The following GRK4 variants were observed in gnomAD, a reference collection of about 807,000 sequenced individuals.
The protein encoded by GRK4 is G protein-coupled receptor kinase 4.
Under a neutral mutation model 77.9 loss-of-function variants are expected in GRK4, and 73 were observed. The ratio of observed to expected loss-of-function variants is 0.94; its 90% CI spans 0.78 to 1.14. The LOEUF is 1.14. Ranked by LOEUF, GRK4 falls within the 50% of genes most tolerant of loss-of-function variation. GRK4 has a pLI of 0.00. For synonymous variants in GRK4, 257 were observed against 254.4 expected, an observed-to-expected ratio of 1.01 and a Z score of -0.10; for missense variants, 729 against 700.2, an observed-to-expected ratio of 1.04 and a Z score of -0.46.
chr4:3,002,551 G>A lies in GRK4; in HGVS notation c.340-1680G>A, dbSNP rs535433413. ...AAGGATCTCTTGAGGTCAGGAGTTC[G>A]AAATTAGCCAGGCGTGGTGGCGGGC... On this transcript the variant is annotated intron_variant, in intron 4 of 15. Coordinates refer to ENST00000398052, the MANE Select transcript of GRK4 (RefSeq NM_182982.3). Among the ~76,000 whole-genome samples, 3 of 152,190 alleles carry A rather than the reference G, an allele frequency of 2.0e-5. No individual in the cohort carries two copies. The South Asian group carries it at 6.2e-4, about 32-fold the overall frequency.
intron 4 of GRK4, among the ~76,000 whole-genome samples, chr4:2,999,565 A>C (rs1308855234): frequency 1.3e-5 from 2 of 152,214 alleles, no homozygotes; most frequent in Non-Finnish European, 2.9e-5. Flanking sequence ...GTACTGGAAC[A>C]ACTGGATAGC....
chr4:2,999,711 C>A (rs1028100951), intron 4 of GRK4, among the ~76,000 whole-genome samples: 3 of 152,072 alleles, frequency 2.0e-5, no homozygotes, highest in South Asian at 2.1e-4. Context: ...CTCTTCAATA[C>A]CTTGAAATTA....
In GRK4 at chr4:2,963,975, G is replaced by A. The variant is rs111635147; in HGVS notation, c.-96G>A. Reference sequence around the variant, plus strand: ...GGAGCTCGAGGAGAGGGTGGTGCCCGGCGAGCTATGCACGGGGGCGGCGGC... The same window carrying A: ...GGAGCTCGAGGAGAGGGTGGTGCCCAGCGAGCTATGCACGGGGGCGGCGGC... On this transcript the variant is annotated 5_prime_UTR_variant, in exon 1 of 16. Transcript: ENST00000398052. The A allele has an allele frequency of 3.5e-5, 39 of 1,124,656 alleles. No homozygotes were observed. Among genetic ancestry groups the A allele is most frequent in the Non-Finnish European group, 4.9e-5 (37 of 758,774 alleles). 69.7% of individuals were successfully genotyped at this position (1,124,656 alleles called of 1,614,324 possible). A position where few individuals can be genotyped will look rare whatever the true frequency, so the allele number is the denominator to read the frequency against.
chr4:2,969,380 T>TG (rs1443032284), intron 1 of GRK4: 1 of 57,612 alleles, frequency 1.7e-5, no homozygotes, highest in East Asian at 2.4e-4. Context: ...CTTTCTTTTC[T>TG]TTTTTTTTTT....
chr4:3,008,604 A>G (rs1578214663), intron 6 of GRK4, among the ~76,000 whole-genome samples: 1 of 152,100 alleles, frequency 6.6e-6, no homozygotes, highest in Non-Finnish European at 1.5e-5. Flanking sequence ...GCAGTTCAAG[A>G]CCAGCCTGGC....
intron 12 of GRK4, among the ~76,000 whole-genome samples, chr4:3,033,933 A>T (rs1739876000): frequency 1.3e-5 from 2 of 152,208 alleles, no homozygotes; most frequent in South Asian, 4.1e-4. Context: ...AAACGCATTG[A>T]GCAACTGTTA....
intron 3 of GRK4, among the ~76,000 whole-genome samples, chr4:2,989,337 G>A (rs1725434052): frequency 6.6e-6 from 1 of 152,232 alleles, no homozygotes; most frequent in Non-Finnish European, 1.5e-5. Flanking sequence ...AGAATCACAT[G>A]TAGTCATTGA....
Position 2,964,000 on chromosome 4 carries a change from C to CGCCAG in GRK4, c.-70_-69insCCAGG. The CGCCAG allele has an allele frequency of 7.3e-7, 1 of 1,376,282 alleles. No individual in the cohort carries two copies. Among genetic ancestry groups the CGCCAG allele is most frequent in the Non-Finnish European group, 1.0e-6 (1 of 979,544 alleles). The allele number at this position is 1,376,282 out of a possible 1,614,324, so 85.3% of individuals were successfully genotyped here. The stretch of plus-strand genomic sequence containing the variant: ...GGCGAGCTATGCACGGGGGCGGCGG[C>CGCCAG]GTCTCCTCCTGTTCCGCCTCCTCAG... On this transcript the variant is annotated 5_prime_UTR_variant, in exon 1 of 16. Coordinates refer to ENST00000398052, the MANE Select transcript of GRK4 (RefSeq NM_182982.3).
At chr4:3,002,375 G>A (rs1730078282) in intron 4 of GRK4, among the ~76,000 whole-genome samples, 1 of 151,978 alleles carries the variant, frequency 6.6e-6, no homozygotes, top group African/African-American at 2.4e-5. Flanking sequence ...AGGCCAAGGT[G>A]GGCAGATCAG....
At position 3,013,819 on chromosome 4, in the gene GRK4, T is replaced by C. The variant is rs1733625190; in HGVS notation, c.732T>C (p.Ser244=). 6.2e-7 allele frequency: 1 copy of C among 1,608,350 alleles called. No individual in the cohort carries two copies. The highest frequency in any genetic ancestry group is 1.7e-5 in the Admixed American group (1 of 58,542). ...NEKRILEKVQ[S]RFVVSLAYAY... ...AAAGAATTCTGGAGAAAGTGCAAAG[T>C]AGATTCGTAGTAAGTGTCTCCTCTT... Residue 244 remains serine (S), a synonymous_variant, in exon 8 of 16, where the codon AGT becomes AGC. Coordinates refer to ENST00000398052, the MANE Select transcript of GRK4 (RefSeq NM_182982.3).
At chr4:2,987,351 T>A (rs1379846705) in intron 2 of GRK4, among the ~76,000 whole-genome samples, 1 of 152,250 alleles carries the variant, frequency 6.6e-6, no homozygotes, top group Non-Finnish European at 1.5e-5. Flanking sequence ...AATAGACATT[T>A]GAGTTGTTTT....
At chr4:2,989,497 T>G (rs1046943155) in intron 3 of GRK4, among the ~76,000 whole-genome samples, 4 of 152,114 alleles carry the variant, frequency 2.6e-5, no homozygotes, top group Non-Finnish European at 4.4e-5. Flanking sequence ...TACTGCAACC[T>G]CCGCCTCCTG....
At chr4:3,001,338 C>T (rs1240389269) in intron 4 of GRK4, among the ~76,000 whole-genome samples, 1 of 122,454 alleles carries the variant, frequency 8.2e-6, no homozygotes, top group Non-Finnish European at 1.7e-5. Context: ...CACACACACA[C>T]ACACACACAC....
At chr4:3,035,579 G>A in intron 13 of GRK4, 56 bp downstream of exon 13, 1 of 1,530,188 alleles carries the variant, frequency 6.5e-7, no homozygotes. Context: ...GCACAGCACG[G>A]TTTTTCTCTT....
intron 12 of GRK4, among the ~76,000 whole-genome samples, chr4:3,031,559 G>C (rs561602191): frequency 1.3e-5 from 2 of 152,306 alleles, no homozygotes; most frequent in Non-Finnish European, 2.9e-5. Flanking sequence ...GTGACTAGAG[G>C]ACAGACCATG....
intron 11 of GRK4, among the ~76,000 whole-genome samples, chr4:3,028,775 C>CT (rs35200515): frequency 0.45 from 65,968 of 147,296 alleles, 14,969 homozygotes; most frequent in South Asian, 0.67. Context: ...AATTTCACAA[C>CT]TTTTTTTTTT....
chr4:2,979,403 C>CAAAAAAAAAAAAAAAAAAAAAAAA, intron 1 of GRK4, among the ~76,000 whole-genome samples: 1 of 59,194 alleles, frequency 1.7e-5, no homozygotes, highest in African/African-American at 6.9e-5. Flanking sequence ...GACTCTGTCT[C>CAAAAAAAAAAAAAAAAAAAAAAAA]AAAAAAAAAA....
chr4:3,013,354 A>T (rs1733464677), intron 7 of GRK4, among the ~76,000 whole-genome samples: 1 of 152,082 alleles, frequency 6.6e-6, no homozygotes, highest in Non-Finnish European at 1.5e-5. Flanking sequence ...GCCCAGCTGA[A>T]AAAGAATCTT....
chr4:2,970,075 T>C (rs1351748298), intron 1 of GRK4, among the ~76,000 whole-genome samples: 2 of 152,226 alleles, frequency 1.3e-5, no homozygotes, highest in African/African-American at 2.4e-5. Flanking sequence ...GTAATCTATG[T>C]AGTAGTCAGC....
Sources: allele counts gnomAD v4.1 joint callset (sites outside exome capture counted in the v4.1 genomes callset), GRCh38; gene constraint gnomAD v4.1.1; transcripts MANE v1.5; gene names NCBI Gene and HGNC (gene_info 2026-07-23, HGNC 2026-07-21).